RNF123: variants seen among roughly 807,000 people sequenced by gnomAD.
RNF123 encodes ring finger protein 123.
In RNF123, 86 loss-of-function variants were observed where a neutral mutation model predicts 168.5. That is an observed-to-expected ratio of 0.51 (90% CI 0.43 to 0.61). The LOEUF (loss-of-function observed/expected upper bound fraction) is 0.61. Ranked by LOEUF, RNF123 falls within the 20% of genes least tolerant of loss-of-function variation. RNF123 has a pLI of 0.00. For synonymous variants in RNF123, 666 were observed against 689.1 expected (o/e 0.97, Z 0.52); for missense variants, 1,419 against 1,729.7 (o/e 0.82, Z 3.19).
intron 26 of RNF123, among the ~76,000 whole-genome samples, chr3:49,707,560 A>G (rs1428860402): frequency 6.6e-6 from 1 of 152,048 alleles, no homozygotes; most frequent in African/African-American, 2.4e-5. Context: ...CCCTCTTGGC[A>G]TCTCTTCCCT....
intron 31 of RNF123, chr3:49,715,373 G>A: frequency 1.6e-6 from 1 of 632,888 alleles, no homozygotes. Context: ...CCTGGGGCTT[G>A]CCTAGTAGAA....
intron 26 of RNF123, among the ~76,000 whole-genome samples, chr3:49,709,670 C>T (rs1203210413): frequency 5.3e-5 from 8 of 150,808 alleles, no homozygotes. Context: ...AACTCCCGAC[C>T]TCAGGTGATT....
chr3:49,693,454 T>C (rs1046008382), intron 3 of RNF123, among the ~76,000 whole-genome samples: 2 of 147,790 alleles, frequency 1.4e-5, no homozygotes, highest in African/African-American at 5.0e-5. Context: ...CCTCCCAAGT[T>C]CTAGTAATTC....
At chr3:49,710,087 C>T (rs1180570909) in intron 26 of RNF123, among the ~76,000 whole-genome samples, 2 of 152,084 alleles carry the variant, frequency 1.3e-5, no homozygotes, top group Non-Finnish European at 2.9e-5. Context: ...CCTCCTGCCT[C>T]GGCCTCCCAA....
intron 26 of RNF123, 25 bp from the exon 27 acceptor site, chr3:49,712,453 AG>A (rs2080161120): frequency 6.2e-7 from 1 of 1,612,330 alleles, no homozygotes; most frequent in East Asian, 2.2e-5. Context: ...TGCGCAACCC[AG>A]CAGCACCCCG....
At chr3:49,719,394 C>T (rs1238140495) in intron 35 of RNF123, 1 of 1,613,662 alleles carries the variant, frequency 6.2e-7, no homozygotes, top group Non-Finnish European at 8.5e-7. Flanking sequence ...GCGGGAAACC[C>T]TCGGAGTCCG....
intron 26 of RNF123, among the ~76,000 whole-genome samples, chr3:49,711,157 G>A (rs1049577224): frequency 1.3e-5 from 2 of 152,158 alleles, no homozygotes; most frequent in Admixed American, 6.6e-5. Context: ...CCAACATGGC[G>A]AAACCCCATC....
intron 9 of RNF123, 46 bp from the exon 10 acceptor site, chr3:49,698,934 C>T (rs768150972): frequency 4.4e-6 from 7 of 1,608,442 alleles, no homozygotes; most frequent in Non-Finnish European, 5.9e-6. Flanking sequence ...TGAGGGTGGG[C>T]AGCCACATGC....
At chr3:49,712,697 G>T (rs1335044621) in intron 27 of RNF123, 41 bp downstream of exon 27, 2 of 1,602,240 alleles carry the variant, frequency 1.2e-6, no homozygotes, top group Non-Finnish European at 8.5e-7. Flanking sequence ...CAGAAAAGGG[G>T]TCTCTAGTGT....
rs1575539780 is a variant in RNF123, at chr3:49,715,698, T to C, written c.3134T>C (p.Ile1045Thr). The C allele has an allele frequency of 1.2e-6, 2 of 1,614,242 alleles. No individual in the cohort carries two copies. The highest frequency in any genetic ancestry group is 1.1e-5 in the South Asian group (1 of 91,090). ...NQLNWAFSEF[I>T]GMIQEIQQAA... is the part of the protein sequence containing the mutation. ...CTCAACTGGGCCTTCTCTGAATTCA[T>C]TGGCATGATCCAAGAGGTGGGCTGT... is the stretch of plus-strand genomic sequence containing the variant. Residue 1045 changes from isoleucine (I) to threonine (T), a missense_variant, in exon 32 of 39, where the codon ATT becomes ACT. Transcript: ENST00000327697.
At chr3:49,696,931 C>A (rs2054280868) in intron 3 of RNF123, 2 of 542,904 alleles carry the variant, frequency 3.7e-6, no homozygotes, top group African/African-American at 1.9e-5. Context: ...CAGGCATGGG[C>A]CACCACACCC....
At position 49,702,359 on chromosome 3, in the gene RNF123, TG is replaced by T; in HGVS notation, c.1584del (p.Thr529ProfsTer33). On this transcript the variant is annotated frameshift_variant, in exon 19 of 39. Transcript: ENST00000327697. LOFTEE classifies it high-confidence loss of function. ...GGTGAAGCTTCTAGGTATATCTTCC[TG>T]ACCAAGTTTCGCAAGTTTCTGCAGG... ...NGGEASRYIF[L>X]TKFRKFLQEN... is the part of the protein sequence containing the mutation. 2 of 1,614,216 alleles carry T rather than the reference TG, an allele frequency of 1.2e-6. No homozygotes were observed. The highest frequency in any genetic ancestry group is 1.7e-6 in the Non-Finnish European group (2 of 1,180,024).
chr3:49,705,646 G>A lies in RNF123; in HGVS notation c.2271G>A (p.Met757Ile), dbSNP rs2054501453. 2.5e-6 allele frequency: 4 copies of A among 1,614,106 alleles called. No homozygotes were observed. The East Asian group carries it at 8.9e-5, about 36-fold the overall frequency. The change falls in exon 24 of 39, where the codon ATG becomes ATA. Residue 757 changes from methionine to isoleucine, a missense_variant. By Grantham distance (10) the Met-to-Ile change is conservative. Coordinates refer to ENST00000327697, the MANE Select transcript of RNF123 (RefSeq NM_022064.5). ...LLEVLDGAVM[M>I]YNLSVHQQLG... The stretch of plus-strand genomic sequence containing the variant: ...AAGTCCTGGATGGGGCGGTCATGAT[G>A]TACAACCTCAGCGTACACCAGCAGC...
chr3:49,705,427 C>G (rs2108189497), intron 23 of RNF123, 107 bp from the exon 24 acceptor site: 1 of 1,485,880 alleles, frequency 6.7e-7, no homozygotes, highest in Admixed American at 2.3e-5. Flanking sequence ...CCGCGGGTCC[C>G]TCCTTGGGCA....
chr3:49,698,356 T>C, intron 7 of RNF123, 84 bp from the exon 8 acceptor site: 3 of 1,160,254 alleles, frequency 2.6e-6, no homozygotes, highest in East Asian at 2.3e-5. Flanking sequence ...TGTAGAGCCA[T>C]ATGCATCCAA....
At chr3:49,706,690 C>A in intron 25 of RNF123, 101 bp from the exon 26 acceptor site, 1 of 990,348 alleles carries the variant, frequency 1.0e-6, no homozygotes, top group Non-Finnish European at 1.6e-6. Flanking sequence ...CCCTTGCCTG[C>A]TCCAGGCACT....
In RNF123 at chr3:49,700,264, T is replaced by G. The variant is rs766451169; in HGVS notation, c.1022T>G (p.Phe341Cys). The part of the protein sequence containing the change: ...VYLVEAVLMS[F>C]LLGIVEKGTP... ...CTGGTGGAGGCTGTGCTCATGAGCT[T>G]CTTGCTGGGCATCGTGGAGAAGGGC... Residue 341 changes from phenylalanine (F) to cysteine (C), a missense_variant, in exon 13 of 39, where the codon TTC (phenylalanine) becomes TGC (cysteine). Phe to Cys is a radical substitution (Grantham distance 205). Coordinates refer to ENST00000327697, the MANE Select transcript of RNF123 (RefSeq NM_022064.5). 1 of 1,614,196 alleles carries G rather than the reference T, an allele frequency of 6.2e-7. No individual in the cohort carries two copies. Among genetic ancestry groups the G allele is most frequent in the South Asian group, 1.1e-5 (1 of 91,090 alleles).
Position 49,701,904 on chromosome 3 carries a change from A to G in RNF123, c.1489A>G (p.Ile497Val), listed in dbSNP as rs2054405330. The G allele has an allele frequency of 3.2e-6, 5 of 1,560,486 alleles. No individual in the cohort carries two copies. The African/African-American group carries it at 4.0e-5, about 13-fold the overall frequency. Residue 497 changes from isoleucine (I) to valine (V), a missense_variant, in exon 17 of 39, where the codon ATC (isoleucine) becomes GTC (valine). By Grantham distance (29) the Ile-to-Val change is conservative (BLOSUM62 3). Around this residue, in one of 5 missense-constraint regions of RNF123, gnomAD observed 349 missense variants for 344.9 expected, o/e 1.01. Transcript: ENST00000327697. ...ERGCQRLRKR[I>V]EVVEELQVQI... ...GGGCTGTCAGCGGCTCAGGAAGCGC[A>G]TCGAAGGTCAGCCCGCCTTGGGCAC...
rs2054551748 is a variant in RNF123, at chr3:49,708,023, G to C, written c.2496+1125G>C. 2.6e-5 allele frequency among the ~76,000 whole-genome samples: 4 copies of C among 151,972 alleles called. No homozygotes were observed. The South Asian group carries it at 8.3e-4, about 31-fold the overall frequency. On this transcript the variant is annotated intron_variant, in intron 26 of 38. Transcript: ENST00000327697. ...TTTTTTTGAGACAGAGTCTCACTCT[G>C]TTGCCCAGGCTGGACTGCAATGGCA...
Sources: allele counts gnomAD v4.1 joint callset (sites outside exome capture counted in the v4.1 genomes callset), GRCh38; gene constraint gnomAD v4.1.1; regional missense constraint gnomAD v4.1.1; transcripts MANE v1.5; gene names NCBI Gene and HGNC (gene_info 2026-07-23, HGNC 2026-07-21).